DNM3: variants seen among roughly 807,000 people sequenced by gnomAD.
The protein encoded by DNM3 is dynamin 3, also known as dynamin-3.
In DNM3, 47 loss-of-function variants were observed where a neutral mutation model predicts 101.6. The observed-to-expected ratio is 0.46, with a 90% CI of 0.37 to 0.59. The LOEUF (loss-of-function observed/expected upper bound fraction) is 0.59. Among genes scored for constraint, DNM3 ranks in the 20% least tolerant of loss-of-function variants. DNM3 has a pLI of 0.00. For missense variants in DNM3, 849 were observed against 1,085.7 expected, an observed-to-expected ratio of 0.78 and a Z score of 3.06; for synonymous variants, 385 against 387.9, an observed-to-expected ratio of 0.99 and a Z score of 0.09.
Position 172,081,881 on chromosome 1 carries a change from A to G in DNM3, c.1472A>G (p.Glu491Gly). 6.2e-7 allele frequency: 1 copy of G among 1,613,290 alleles called. No homozygotes were observed. Among genetic ancestry groups the G allele is most frequent in the Non-Finnish European group, 8.5e-7 (1 of 1,179,540 alleles). The change falls in exon 12 of 21, where the codon GAA (glutamate) becomes GGA (glycine). Residue 491 changes from glutamate to glycine, a missense_variant. Around this residue, in one of 5 missense-constraint regions of DNM3, gnomAD observed 193 missense variants for 238.4 expected, o/e 0.81. Transcript: ENST00000627582. ...GTCTCTTACATCAACACCAACCATG[A>G]AGACTTCATTGGCTTCGCAAAGTAC... ...IQVSYINTNHEDFIGFANAQQ... is the reference protein window; with the variant it reads ...IQVSYINTNHGDFIGFANAQQ...
chr1:172,347,896 A>G (rs2067018633), intron 17 of DNM3, among the ~76,000 whole-genome samples: 1 of 152,170 alleles, frequency 6.6e-6, no homozygotes, highest in Non-Finnish European at 1.5e-5. Context: ...CATCCCAAAC[A>G]AGTGAACTCC....
At chr1:172,387,493 T>A in intron 19 of DNM3, 134 bp downstream of exon 19, 1 of 724,360 alleles carries the variant, frequency 1.4e-6, no homozygotes, top group Non-Finnish European at 2.2e-6. Context: ...CTGTCTCTAC[T>A]AAAAACATAA....
At chr1:172,103,067 G>A (rs369196278) in intron 13 of DNM3, among the ~76,000 whole-genome samples, 12 of 151,906 alleles carry the variant, frequency 7.9e-5, no homozygotes, top group East Asian at 5.8e-4. Context: ...CATTTTTACT[G>A]TGAAAAAGTT....
chr1:172,054,531 C>T (rs772422204), intron 10 of DNM3, among the ~76,000 whole-genome samples: 2 of 152,016 alleles, frequency 1.3e-5, no homozygotes, highest in Non-Finnish European at 2.9e-5. Flanking sequence ...CACAGTTTAG[C>T]AACTGTGCCA....
At chr1:171,995,281 A>G (rs1480888419) in intron 4 of DNM3, among the ~76,000 whole-genome samples, 1 of 151,436 alleles carries the variant, frequency 6.6e-6, no homozygotes, top group Non-Finnish European at 1.5e-5. Flanking sequence ...AATTTTTTGC[A>G]TTTAGTGGAG....
chr1:172,027,793 C>G (rs1483247641), intron 4 of DNM3, among the ~76,000 whole-genome samples: 1 of 152,092 alleles, frequency 6.6e-6, no homozygotes, highest in Non-Finnish European at 1.5e-5. Context: ...ATAAAACAGA[C>G]TTTAAGCCAA....
intron 14 of DNM3, among the ~76,000 whole-genome samples, chr1:172,241,158 A>G (rs374894330): frequency 6.6e-6 from 1 of 151,764 alleles, no homozygotes. Context: ...CTCAAATGCC[A>G]TCTCTCTCAC....
chr1:172,322,073 T>C (rs564697991), intron 16 of DNM3, among the ~76,000 whole-genome samples: 1 of 152,324 alleles, frequency 6.6e-6, no homozygotes, highest in South Asian at 2.1e-4. Context: ...ATGTTTTCTT[T>C]ATTAAATATG....
At chr1:172,220,510 A>T (rs1436412610) in intron 14 of DNM3, among the ~76,000 whole-genome samples, 1 of 152,210 alleles carries the variant, frequency 6.6e-6, no homozygotes, top group East Asian at 1.9e-4. Context: ...GAGGCCTCTG[A>T]CAGGTGGTAG....
chr1:172,051,124 T>C (rs1196527946), intron 10 of DNM3, among the ~76,000 whole-genome samples: 1 of 152,220 alleles, frequency 6.6e-6, no homozygotes. Context: ...TATTTACCCT[T>C]TAGCTTTCTT....
chr1:172,227,898 T>A (rs10752914), intron 14 of DNM3, among the ~76,000 whole-genome samples: 25,319 of 152,150 alleles, frequency 0.17, 2,487 homozygotes, highest in East Asian at 0.28. Context: ...CACACACATG[T>A]GTAATTTTAA....
intron 10 of DNM3, among the ~76,000 whole-genome samples, chr1:172,049,658 C>G (rs74123787): frequency 0.013 from 1,948 of 152,236 alleles, 44 homozygotes; most frequent in African/African-American, 0.044. Context: ...AGCCCCCTGA[C>G]AGTTAACACT....
chr1:172,257,511 C>T (rs2062454265), intron 15 of DNM3, among the ~76,000 whole-genome samples: 1 of 151,956 alleles, frequency 6.6e-6, no homozygotes, highest in Non-Finnish European at 1.5e-5. Context: ...CCTAATAATG[C>T]ACTTTGCCTT....
chr1:172,154,898 A>G (rs1035515471), intron 14 of DNM3, among the ~76,000 whole-genome samples: 1 of 152,060 alleles, frequency 6.6e-6, no homozygotes, highest in African/African-American at 2.4e-5. Flanking sequence ...CTTTTCTGTT[A>G]GTTTAAGATC....
intron 17 of DNM3, among the ~76,000 whole-genome samples, chr1:172,359,261 T>TAAG (rs2067615970): frequency 6.6e-6 from 1 of 152,036 alleles, no homozygotes; most frequent in Non-Finnish European, 1.5e-5. Flanking sequence ...AGCCGTTGTG[T>TAAG]AAGCATGGTC....
intron 14 of DNM3, among the ~76,000 whole-genome samples, chr1:172,241,201 A>G (rs898746873): frequency 6.6e-5 from 10 of 150,728 alleles, no homozygotes; most frequent in African/African-American, 2.2e-4. Context: ...AAAATTTTTC[A>G]TGCATGGTAT....
intron 2 of DNM3, among the ~76,000 whole-genome samples, chr1:171,979,672 A>G (rs1214710572): frequency 6.6e-6 from 1 of 152,192 alleles, no homozygotes; most frequent in African/African-American, 2.4e-5. Context: ...GTCCACCAGC[A>G]CTATTCCAGT....
chr1:172,186,381 T>TG (rs1279179211), intron 14 of DNM3, among the ~76,000 whole-genome samples: 1 of 138,388 alleles, frequency 7.2e-6, no homozygotes, highest in Non-Finnish European at 1.7e-5. Flanking sequence ...TGTCAGTTGC[T>TG]GTTTTTTTTT....
chr1:172,176,008 C>G (rs1572837217), intron 14 of DNM3, among the ~76,000 whole-genome samples: 1 of 151,724 alleles, frequency 6.6e-6, no homozygotes, highest in Non-Finnish European at 1.5e-5. Flanking sequence ...CTCCAACCCT[C>G]CCAAGGGTGT....
Sources: allele counts gnomAD v4.1 joint callset (sites outside exome capture counted in the v4.1 genomes callset), GRCh38; gene constraint gnomAD v4.1.1; regional missense constraint gnomAD v4.1.1; transcripts MANE v1.5; gene names NCBI Gene and HGNC (gene_info 2026-07-23, HGNC 2026-07-21).